JAKMIP1: variants seen among roughly 807,000 people sequenced by gnomAD.
JAKMIP1 encodes the protein janus kinase and microtubule interacting protein 1.
In JAKMIP1, 33 loss-of-function variants were observed where a neutral mutation model predicts 113.0. The observed-to-expected ratio is 0.29, with a 90% CI of 0.22 to 0.39. The LOEUF (loss-of-function observed/expected upper bound fraction) is 0.39. Ranked by LOEUF, JAKMIP1 falls within the 10% of genes least tolerant of loss-of-function variation. The probability of loss-of-function intolerance (pLI) is 1.00; values close to 1 mark genes in which losing one functional copy is unlikely to be tolerated. For synonymous variants in JAKMIP1, 480 were observed against 459.9 expected (o/e 1.04, Z -0.56); for missense variants, 813 against 1,080.5 (o/e 0.75, Z 3.47).
At chr4:6,189,112 G>A (rs902018955) in intron 1 of JAKMIP1, among the ~76,000 whole-genome samples, 3 of 152,176 alleles carry the variant, frequency 2.0e-5, no homozygotes, top group African/African-American at 4.8e-5. Context: ...CAGTGCATTC[G>A]GAGGGTATGG....
intron 1 of JAKMIP1, among the ~76,000 whole-genome samples, chr4:6,146,015 C>A (rs528876376): frequency 1.3e-5 from 2 of 152,136 alleles, no homozygotes; most frequent in Non-Finnish European, 2.9e-5. Flanking sequence ...GCCCATAGCA[C>A]GTTGCAAGTG....
rs547323368 is a variant in JAKMIP1 at position 6,059,200 on chromosome 4, A to C, written c.1644+1224T>G. 1.8e-4 allele frequency among the ~76,000 whole-genome samples: 28 copies of C among 152,296 alleles called. No homozygotes were observed. The highest frequency in any genetic ancestry group is 1.2e-4 in the Non-Finnish European group (8 of 68,030). On this transcript the variant is annotated intron_variant, in intron 11 of 20. Coordinates refer to ENST00000409021, the MANE Select transcript of JAKMIP1 (RefSeq NM_001099433.2). This position sits in a 1 kb window ranked among gnomAD's most constrained non-coding sequence, Gnocchi z 4.8. ...AGCCATTCCAGAGGGCTGGGCACTC[A>C]CATTCCCCCACGCAGTCCATTGGTA... is the stretch of plus-strand genomic sequence containing the variant.
In JAKMIP1 at chr4:6,081,331, C is replaced by T. The variant is rs1205500823; in HGVS notation, c.1101+278G>A. Reference sequence around the variant, plus strand: ...CCTCCAGTGTGGATATTTTCATTCCCATTTTATGCATGAAGAAACAGAGGC... The same window carrying T: ...CCTCCAGTGTGGATATTTTCATTCCTATTTTATGCATGAAGAAACAGAGGC... On this transcript the variant is annotated intron_variant, in intron 6 of 20. Transcript: ENST00000409021. The surrounding 1 kb of genome is among the most constrained non-coding windows in gnomAD (Gnocchi z 4.6). Among the ~76,000 whole-genome samples, 1 of 152,170 alleles carries T rather than the reference C, an allele frequency of 6.6e-6. No homozygotes were observed. Among genetic ancestry groups the T allele is most frequent in the Non-Finnish European group, 1.5e-5 (1 of 68,036 alleles).
intron 1 of JAKMIP1, among the ~76,000 whole-genome samples, chr4:6,144,312 T>A (rs1303640411): frequency 6.6e-6 from 1 of 152,212 alleles, no homozygotes; most frequent in Non-Finnish European, 1.5e-5. Context: ...TTCTATCAAA[T>A]GTTTGAAGAA....
At position 6,112,814 on chromosome 4, in the gene JAKMIP1, C is replaced by T. The variant is rs748319777; in HGVS notation, c.37G>A (p.Glu13Lys). The T allele has an allele frequency of 1.2e-6, 2 of 1,614,090 alleles. No homozygotes were observed. The highest frequency in any genetic ancestry group is 1.1e-5 in the South Asian group (1 of 91,086). Reference sequence around the variant, plus strand: ...ATCTGCACCGCGTCCGTCTCCATCTCGGGCTTCTCGCCCTTGCTCCGGCCT... The same window carrying T: ...ATCTGCACCGCGTCCGTCTCCATCTTGGGCTTCTCGCCCTTGCTCCGGCCT... Reference protein sequence around the residue: ...KKGRSKGEKPEMETDAVQMAN... With the variant: ...KKGRSKGEKPKMETDAVQMAN... Residue 13 changes from glutamate (E) to lysine (K), a missense_variant, in exon 2 of 21, where the codon GAG (glutamate) becomes AAG (lysine). Physicochemically the swap from Glu to Lys is moderately conservative, Grantham distance 56. Around this residue, in one of 2 missense-constraint regions of JAKMIP1, gnomAD observed 540 missense variants for 653.9 expected, o/e 0.83. Transcript: ENST00000409021.
At chr4:6,053,930 C>G in intron 13 of JAKMIP1, 120 bp downstream of exon 13, 1 of 1,543,840 alleles carries the variant, frequency 6.5e-7, no homozygotes, top group Non-Finnish European at 8.7e-7. Flanking sequence ...AAGAAAGAAA[C>G]TATAACATGT....
chr4:6,119,310 G>A (rs534607236), intron 1 of JAKMIP1, among the ~76,000 whole-genome samples: 26 of 152,002 alleles, frequency 1.7e-4, no homozygotes, highest in African/African-American at 4.8e-4. Context: ...TTGGGAGGCC[G>A]AGGCAGGTGG....
chr4:6,045,860 ACT>A (rs976695847), intron 16 of JAKMIP1, among the ~76,000 whole-genome samples: 2 of 151,664 alleles, frequency 1.3e-5, no homozygotes, highest in African/African-American at 4.8e-5. Context: ...ACAGAGTGAG[ACT>A]CTGTCTCAAA....
intron 1 of JAKMIP1, among the ~76,000 whole-genome samples, chr4:6,174,266 C>T (rs1412869205): frequency 5.3e-5 from 8 of 152,108 alleles, no homozygotes; most frequent in Non-Finnish European, 1.0e-4. Flanking sequence ...GCCAGGTCTC[C>T]GTCAGAGGTA....
At chr4:6,029,649 TA>T in intron 20 of JAKMIP1, 66 bp downstream of exon 20, 1 of 1,049,352 alleles carries the variant, frequency 9.5e-7, no homozygotes. Context: ...CCTTATGAAA[TA>T]AAATGATTCC....
At chr4:6,115,086 G>A (rs1715537568) in intron 1 of JAKMIP1, among the ~76,000 whole-genome samples, 1 of 152,184 alleles carries the variant, frequency 6.6e-6, no homozygotes, top group Non-Finnish European at 1.5e-5. Context: ...TGGGGAAAAG[G>A]TCAGTACCAC....
rs1251318730 is a variant in JAKMIP1, at chr4:6,187,437, A to C, written c.-148+12816T>G. Among the ~76,000 whole-genome samples the C allele has an allele frequency of 3.9e-5, 6 of 152,216 alleles. No individual in the cohort carries two copies. The highest frequency in any genetic ancestry group is 8.8e-5 in the Non-Finnish European group (6 of 68,038). ...ATGATCTGAATGTTTATGTACCCCC[A>C]GAATTCATATGTTTCTAGTCACCAG... On this transcript the variant is annotated intron_variant, in intron 1 of 20. Coordinates refer to ENST00000409021, the MANE Select transcript of JAKMIP1 (RefSeq NM_001099433.2). This position sits in a 1 kb window ranked among gnomAD's most constrained non-coding sequence, Gnocchi z 4.2.
intron 1 of JAKMIP1, among the ~76,000 whole-genome samples, chr4:6,190,792 C>T (rs1024495838): frequency 1.3e-5 from 2 of 152,372 alleles, no homozygotes; most frequent in African/African-American, 4.8e-5. Context: ...CCCAGGACGC[C>T]AGAGCTCCCA....
At chr4:6,026,338 G>A (rs1301701430) in intron 20 of JAKMIP1, 60 bp from the exon 21 acceptor site, 5 of 851,338 alleles carry the variant, frequency 5.9e-6, no homozygotes, top group East Asian at 2.6e-5. Context: ...GAAAACAGAT[G>A]TAAGATATGT....
At chr4:6,103,976 T>C (rs778169408) in intron 3 of JAKMIP1, among the ~76,000 whole-genome samples, 64 of 152,348 alleles carry the variant, frequency 4.2e-4, no homozygotes, top group Non-Finnish European at 8.2e-4. Context: ...CTTCTTGCTC[T>C]TTAAAATTTC....
intron 13 of JAKMIP1, among the ~76,000 whole-genome samples, chr4:6,052,236 A>G (rs529974356): frequency 6.6e-6 from 1 of 152,210 alleles, no homozygotes; most frequent in Admixed American, 6.5e-5. Context: ...AAAAACAAGC[A>G]AAAAAACAAA....
Position 6,040,798 on chromosome 4 carries a change from G to T in JAKMIP1, c.2098-82C>A. On this transcript the variant is annotated intron_variant, in intron 17 of 20. Transcript: ENST00000409021. The surrounding 1 kb of genome is among the most constrained non-coding windows in gnomAD (Gnocchi z 5.8). Reference sequence around the variant, plus strand: ...CTTCAGAGCCCGTTTGCTAGAGAGTGGCAGTCTCACCGAATTGGGGGCACT... The same window carrying T: ...CTTCAGAGCCCGTTTGCTAGAGAGTTGCAGTCTCACCGAATTGGGGGCACT... 9.1e-7 allele frequency: 1 copy of T among 1,104,546 alleles called. No individual in the cohort carries two copies. The highest frequency in any genetic ancestry group is 1.4e-6 in the Non-Finnish European group (1 of 736,542). 68.4% of individuals were successfully genotyped at this position (1,104,546 alleles called of 1,614,324 possible).
intron 1 of JAKMIP1, among the ~76,000 whole-genome samples, chr4:6,175,442 T>C (rs920320320): frequency 7.9e-5 from 12 of 152,244 alleles, no homozygotes; most frequent in African/African-American, 1.7e-4. Flanking sequence ...TTTTTTCTTT[T>C]TGCAACACTT....
chr4:6,086,076 C>T lies in JAKMIP1; in HGVS notation c.625-447G>A, dbSNP rs900805217. 4.6e-5 allele frequency among the ~76,000 whole-genome samples: 7 copies of T among 152,070 alleles called. No individual in the cohort carries two copies. The highest frequency in any genetic ancestry group is 1.7e-4 in the African/African-American group (7 of 41,404). ...CCCCAACCCTCACCACCAGACAGCT[C>T]CTGCCAAGGTCACCAGTGCTCTCCT... On this transcript the variant is annotated intron_variant, in intron 3 of 20. Coordinates refer to ENST00000409021, the MANE Select transcript of JAKMIP1 (RefSeq NM_001099433.2). The surrounding 1 kb of genome is among the most constrained non-coding windows in gnomAD (Gnocchi z 4.1).
Sources: gnomAD v4.1 joint callset for allele counts (sites outside exome capture counted in the v4.1 genomes callset) on GRCh38, gnomAD v4.1.1 for gene constraint, gnomAD v4.1.1 regional missense constraint, Gnocchi (gnomAD v3.1) non-coding constraint, MANE v1.5 for transcripts, NCBI Gene and HGNC (gene_info 2026-07-23, HGNC 2026-07-21) for gene names.